MRC2: variants seen among roughly 807,000 people sequenced by gnomAD.
The protein encoded by MRC2 is mannose receptor C-type 2, also known as C-type mannose receptor 2.
MRC2 carries 84 observed loss-of-function variants against 206.2 expected under a neutral mutation model. That is an observed-to-expected ratio of 0.41 (90% CI 0.34 to 0.49). The LOEUF is 0.49. MRC2 is among the 20% of genes least tolerant of loss of function. The pLI is 0.31. For synonymous variants in MRC2, 798 were observed against 800.0 expected (o/e 1.00, Z 0.04); for missense variants, 1,676 against 2,001.5 (o/e 0.84, Z 3.10).
At chr17:62,649,930 C>T (rs903381016) in intron 1 of MRC2, among the ~76,000 whole-genome samples, 2 of 148,098 alleles carry the variant, frequency 1.4e-5, no homozygotes, top group Non-Finnish European at 3.0e-5. Context: ...ACAAGAGTGT[C>T]GCTCTATTGC....
At chr17:62,644,295 T>A (rs2088447453) in intron 1 of MRC2, among the ~76,000 whole-genome samples, 1 of 152,094 alleles carries the variant, frequency 6.6e-6, no homozygotes, top group African/African-American at 2.4e-5. Context: ...GATGGGCACC[T>A]GTAATCTCAG....
At chr17:62,683,651 C>T (rs2088998677) in intron 20 of MRC2, among the ~76,000 whole-genome samples, 1 of 150,198 alleles carries the variant, frequency 6.7e-6, no homozygotes, top group Non-Finnish European at 1.5e-5. Context: ...ATGACTTGAG[C>T]CCAGGAGTTC....
In MRC2 at chr17:62,666,785, G is replaced by A. The variant is rs2088761776; in HGVS notation, c.888G>A (p.Leu296=). 1 of 1,613,772 alleles carries A rather than the reference G, an allele frequency of 6.2e-7. No individual in the cohort carries two copies. The highest frequency in any genetic ancestry group is 1.3e-5 in the African/African-American group (1 of 74,904). ...NGLLTGYSST[L]WIGLNDLDTS... is the part of the protein sequence containing the mutation. Reference sequence around the variant, plus strand: ...TCCTCACTGGGTACAGCTCCACCCTGTGGATCGGCTTGAATGACTTGGACA... The same window carrying A: ...TCCTCACTGGGTACAGCTCCACCCTATGGATCGGCTTGAATGACTTGGACA... Residue 296 remains leucine, a synonymous_variant, in exon 5 of 30, where the codon CTG becomes CTA. Coordinates refer to ENST00000303375, the MANE Select transcript of MRC2 (RefSeq NM_006039.5). This position sits in a 1 kb window ranked among gnomAD's most constrained non-coding sequence, Gnocchi z 5.0.
At chr17:62,684,035 T>C (rs1380563238) in intron 20 of MRC2, 2 of 152,198 alleles carry the variant, frequency 1.3e-5, no homozygotes, top group Non-Finnish European at 2.9e-5. Flanking sequence ...TTGAAGGTTG[T>C]TCAACAAAAA....
At chr17:62,628,236 T>C (rs1013422115) in intron 1 of MRC2, among the ~76,000 whole-genome samples, 4 of 151,760 alleles carry the variant, frequency 2.6e-5, no homozygotes, top group Non-Finnish European at 5.9e-5. Flanking sequence ...CGCACCGCGC[T>C]CCCGGACCAC....
At position 62,672,172 on chromosome 17, in the gene MRC2, A is replaced by T; in HGVS notation, c.1461+20A>T. The T allele has an allele frequency of 1.2e-6, 2 of 1,613,130 alleles. No homozygotes were observed. The highest frequency in any genetic ancestry group is 1.7e-6 in the Non-Finnish European group (2 of 1,179,610). ...GGCCCGGTGAGATCTCCCTCTCCCT[A>T]TCACAGGGCCACAAAATACACCCCC... On this transcript the variant is annotated intron_variant, in intron 8 of 29. Coordinates refer to ENST00000303375, the MANE Select transcript of MRC2 (RefSeq NM_006039.5). The surrounding 1 kb of genome is among the most constrained non-coding windows in gnomAD (Gnocchi z 4.5).
rs2147467152 is a variant in MRC2 at position 62,667,204 on chromosome 17, G to T, written c.974-186G>T. On this transcript the variant is annotated intron_variant, in intron 5 of 29. Transcript: ENST00000303375. This position sits in a 1 kb window ranked among gnomAD's most constrained non-coding sequence, Gnocchi z 4.1. ...CTGGGTAGAAGGTTCAAGGCGACGTGCACCCAGGTTAGAAAGCGCGGAGGA... is the reference window on the plus strand; with the variant it reads ...CTGGGTAGAAGGTTCAAGGCGACGTTCACCCAGGTTAGAAAGCGCGGAGGA... Among the ~76,000 whole-genome samples, 1 of 152,328 alleles carries T rather than the reference G, an allele frequency of 6.6e-6. No individual in the cohort carries two copies. Among genetic ancestry groups the T allele is most frequent in the Middle Eastern group, 3.4e-3 (1 of 294 alleles).
At chr17:62,660,168 A>AG (rs1252587785) in intron 1 of MRC2, among the ~76,000 whole-genome samples, 1 of 152,208 alleles carries the variant, frequency 6.6e-6, no homozygotes, top group Non-Finnish European at 1.5e-5. Flanking sequence ...AGAGGTAGAG[A>AG]GGAAAAAATC....
At position 62,674,077 on chromosome 17, in the gene MRC2, C is replaced by T. The variant is rs1246706869; in HGVS notation, c.1476C>T (p.Asn492=). 2.6e-5 allele frequency: 41 copies of T among 1,552,034 alleles called. No individual in the cohort carries two copies. Among genetic ancestry groups the T allele is most frequent in the African/African-American group, 4.1e-5 (3 of 73,094 alleles). ...TGTGTCCGTAGGAAGGCCGCTGGAACGACAGTCCCTGTAACCAGTCCTTGC... is the reference window on the plus strand; with the variant it reads ...TGTGTCCGTAGGAAGGCCGCTGGAATGACAGTCCCTGTAACCAGTCCTTGC... ...VTIWGPEGRW[N]DSPCNQSLPS... is the part of the protein sequence containing the mutation. Residue 492 remains asparagine (N), a synonymous_variant, in exon 9 of 30, where the codon AAC becomes AAT. Transcript: ENST00000303375.
intron 1 of MRC2, among the ~76,000 whole-genome samples, chr17:62,653,570 G>C (rs1258910729): frequency 6.6e-6 from 1 of 152,178 alleles, no homozygotes; most frequent in Non-Finnish European, 1.5e-5. Context: ...GAAGTGGGGA[G>C]AAAAGCATCT....
At chr17:62,689,327 T>G (rs2089072240) in intron 23 of MRC2, 195 bp from the exon 24 acceptor site, 2 of 583,766 alleles carry the variant, frequency 3.4e-6, no homozygotes, top group South Asian at 4.7e-5. Flanking sequence ...GGCCCTCACC[T>G]CCCTGTCCAT....
chr17:62,668,821 T>C (rs1598985500), intron 6 of MRC2, among the ~76,000 whole-genome samples: 1 of 152,006 alleles, frequency 6.6e-6, no homozygotes, highest in South Asian at 2.1e-4. Flanking sequence ...ATGGACAGGG[T>C]CTGCTTTAGG....
Position 62,668,016 on chromosome 17 carries a change from C to T in MRC2, c.1117+483C>T, listed in dbSNP as rs185585943. Among the ~76,000 whole-genome samples, 5 of 152,114 alleles carry T rather than the reference C, an allele frequency of 3.3e-5. No individual in the cohort carries two copies. In the East Asian group the frequency reaches 9.7e-4, roughly 29 times the overall value. On this transcript the variant is annotated intron_variant, in intron 6 of 29. Transcript: ENST00000303375. ...AGGGCATTCCTGGCAGAGGGAAGAG[C>T]ATATGCAAAGGTGTGGAGGCCTAGA... is the stretch of plus-strand genomic sequence containing the variant.
Position 62,677,329 on chromosome 17 carries a change from T to G in MRC2, c.1895T>G (p.Val632Gly), listed in dbSNP as rs1164142615. ...ATGSAMGLWEVKNCTSFRARY... is the reference protein window; with the variant it reads ...ATGSAMGLWEGKNCTSFRARY... ...GGCAGCGCCATGGGGCTGTGGGAGG[T>G]GAAGAACTGTACCTCGTTCCGGGCC... Residue 632 changes from valine (V) to glycine (G), a missense_variant, in exon 12 of 30, where the codon GTG becomes GGG. Physicochemically the swap from Val to Gly is moderately radical, Grantham distance 109. Around this residue, in one of 3 missense-constraint regions of MRC2, gnomAD observed 1,354 missense variants for 1,636.6 expected, o/e 0.83. Transcript: ENST00000303375. 6.2e-7 allele frequency: 1 copy of G among 1,605,378 alleles called. No homozygotes were observed. Among genetic ancestry groups the G allele is most frequent in the Non-Finnish European group, 8.5e-7 (1 of 1,177,188 alleles).
At chr17:62,643,640 G>A (rs2088438136) in intron 1 of MRC2, among the ~76,000 whole-genome samples, 1 of 152,210 alleles carries the variant, frequency 6.6e-6, no homozygotes, top group African/African-American at 2.4e-5. Flanking sequence ...AAGAGGAAAT[G>A]CCAGTGGCTA....
At position 62,652,670 on chromosome 17, in the gene MRC2, G is replaced by A. The variant is rs1327716622; in HGVS notation, c.119-11878G>A. On this transcript the variant is annotated intron_variant, in intron 1 of 29. Coordinates refer to ENST00000303375, the MANE Select transcript of MRC2 (RefSeq NM_006039.5). The surrounding 1 kb of genome is among the most constrained non-coding windows in gnomAD (Gnocchi z 4.6). ...TTTGTCTAGCTGGGCGGGAGGCGGC[G>A]GAGCGGGAAGTGCCACAGATTGAGG... 6.6e-6 allele frequency among the ~76,000 whole-genome samples: 1 copy of A among 152,108 alleles called. No individual in the cohort carries two copies. The highest frequency in any genetic ancestry group is 6.5e-5 in the Admixed American group (1 of 15,278).
intron 1 of MRC2, among the ~76,000 whole-genome samples, chr17:62,658,319 G>C (rs187810973): frequency 1.3e-5 from 2 of 152,200 alleles, no homozygotes; most frequent in South Asian, 4.1e-4. Context: ...TGTGGTCCCA[G>C]CATTGCCTGG....
intron 1 of MRC2, among the ~76,000 whole-genome samples, chr17:62,658,965 A>G (rs757329259): frequency 2.0e-5 from 3 of 152,186 alleles, no homozygotes; most frequent in Non-Finnish European, 2.9e-5. Flanking sequence ...TTATAACACA[A>G]TACCGTTAAC....
chr17:62,691,452 T>A (rs1249932873), intron 28 of MRC2, among the ~76,000 whole-genome samples: 2 of 152,128 alleles, frequency 1.3e-5, no homozygotes, highest in Admixed American at 1.3e-4. Context: ...GTGGCCTCAG[T>A]TTCCTCGTAT....
Sources: gnomAD v4.1 joint callset for allele counts (sites outside exome capture counted in the v4.1 genomes callset) on GRCh38, gnomAD v4.1.1 for gene constraint, gnomAD v4.1.1 regional missense constraint, Gnocchi (gnomAD v3.1) non-coding constraint, MANE v1.5 for transcripts, NCBI Gene and HGNC (gene_info 2026-07-23, HGNC 2026-07-21) for gene names.